COL27A1: variants seen among roughly 807,000 people sequenced by gnomAD.
COL27A1 encodes collagen alpha-1(XXVII) chain.
A neutral mutation model predicts 251.3 loss-of-function variants in COL27A1; 106 were observed. The ratio of observed to expected loss-of-function variants is 0.42; its 90% confidence interval spans 0.36 to 0.50. COL27A1 has a LOEUF of 0.50. COL27A1 is among the 20% of genes least tolerant of loss of function. COL27A1 has a pLI of 0.00. For synonymous variants in COL27A1, 1,000 were observed against 986.3 expected (o/e 1.01, Z -0.26); for missense variants, 2,325 against 2,522.8 (o/e 0.92, Z 1.68).
chr9:114,171,827 C>G (rs1849342903), intron 3 of COL27A1, among the ~76,000 whole-genome samples: 1 of 152,188 alleles, frequency 6.6e-6, no homozygotes, highest in Admixed American at 6.5e-5. Context: ...GGCGCGGTGT[C>G]TCCTTTAGGA....
rs1376258924 is a variant in COL27A1, at chr9:114,266,629, G to C, written c.3447+11G>C. 6.2e-7 allele frequency: 1 copy of C among 1,612,838 alleles called. No individual in the cohort carries two copies. Among genetic ancestry groups the C allele is most frequent in the East Asian group, 2.2e-5 (1 of 44,858 alleles). The stretch of plus-strand genomic sequence containing the variant: ...GAGATGGGACCCAAGGTGAGTGTGA[G>C]AGACCCTTATTCGTCCCATGATGCT... On this transcript the variant is annotated intron_variant, in intron 33 of 60. Coordinates refer to ENST00000356083, the MANE Select transcript of COL27A1 (RefSeq NM_032888.4).
At chr9:114,196,530 G>A (rs1829146871) in intron 7 of COL27A1, among the ~76,000 whole-genome samples, 1 of 152,204 alleles carries the variant, frequency 6.6e-6, no homozygotes, top group Non-Finnish European at 1.5e-5. Flanking sequence ...GGGGTCAGTT[G>A]GACCTGGGTC....
At chr9:114,282,879 ACCAGATT>A (rs778370652) in intron 39 of COL27A1, among the ~76,000 whole-genome samples, 1 of 152,228 alleles carries the variant, frequency 6.6e-6, no homozygotes, top group Non-Finnish European at 1.5e-5. Flanking sequence ...GGGAGAAAGG[ACCAGATT>A]CTTAGAACTG....
chr9:114,294,082 C>CA (rs57583693), intron 49 of COL27A1, among the ~76,000 whole-genome samples: 1,669 of 136,766 alleles, frequency 0.012, 39 homozygotes, highest in African/African-American at 0.038. Context: ...ACTAACAATA[C>CA]AAAAAAAAAA....
At position 114,300,088 on chromosome 9, in the gene COL27A1, G is replaced by C; in HGVS notation, c.4603G>C (p.Gly1535Arg). The stretch of plus-strand genomic sequence containing the variant: ...CCTGCAGGGCGACTCTGGCGAGATG[G>C]GCTTCCCAGGAATGGCAGGTCTCTT... Reference protein sequence around the residue: ...KGQPGDSGEMGFPGMAGLFGP... With the variant: ...KGQPGDSGEMRFPGMAGLFGP... The change falls in exon 50 of 61, where the codon GGC becomes CGC. Residue 1535 changes from glycine (G) to arginine (R), a missense_variant. Physicochemically the swap from Gly to Arg is moderately radical, Grantham distance 125 (BLOSUM62 -2). This residue lies in a region of COL27A1 where 327 missense variants were observed against 442.8 expected (regional missense o/e 0.74). Coordinates refer to ENST00000356083, the MANE Select transcript of COL27A1 (RefSeq NM_032888.4). 1 of 1,614,140 alleles carries C rather than the reference G, an allele frequency of 6.2e-7. No homozygotes were observed. Among genetic ancestry groups the C allele is most frequent in the Non-Finnish European group, 8.5e-7 (1 of 1,179,992 alleles).
chr9:114,240,180 A>C (rs1832659297), intron 19 of COL27A1, 40 bp from the exon 20 acceptor site: 2 of 1,581,552 alleles, frequency 1.3e-6, no homozygotes, highest in African/African-American at 2.7e-5. Context: ...CACTCCCTTC[A>C]CAGCCCCCGT....
At chr9:114,199,156 CT>C (rs1477762482) in intron 7 of COL27A1, among the ~76,000 whole-genome samples, 2 of 152,150 alleles carry the variant, frequency 1.3e-5, no homozygotes. Flanking sequence ...CTCCTGCTTT[CT>C]TTCCTGTAGA....
intron 2 of COL27A1, among the ~76,000 whole-genome samples, chr9:114,165,448 A>G (rs1047480699): frequency 1.3e-5 from 2 of 150,562 alleles, no homozygotes; most frequent in Admixed American, 6.6e-5. Flanking sequence ...CCATTTATCT[A>G]TCCATTCACC....
At chr9:114,173,714 G>A (rs1337644694) in intron 3 of COL27A1, among the ~76,000 whole-genome samples, 1 of 152,010 alleles carries the variant, frequency 6.6e-6, no homozygotes, top group African/African-American at 2.4e-5. Context: ...GTCGGGGGGA[G>A]GGGAGTAAAG....
At chr9:114,240,923 C>A (rs972320156) in intron 21 of COL27A1, among the ~76,000 whole-genome samples, 4 of 152,242 alleles carry the variant, frequency 2.6e-5, no homozygotes, top group Non-Finnish European at 4.4e-5. Flanking sequence ...GCAATGGGAA[C>A]CCAGGTCTGC....
At chr9:114,193,927 A>G (rs1242783329) in intron 5 of COL27A1, among the ~76,000 whole-genome samples, 1 of 152,132 alleles carries the variant, frequency 6.6e-6, no homozygotes, top group Non-Finnish European at 1.5e-5. Context: ...TAGGATGTGA[A>G]GGACACATTC....
At chr9:114,178,165 ACTC>A (rs1397633991) in intron 3 of COL27A1, 123 bp from the exon 4 acceptor site, 8 of 742,650 alleles carry the variant, frequency 1.1e-5, no homozygotes, top group African/African-American at 3.5e-5. Context: ...ACCTCAGGGG[ACTC>A]CTCCTCTTAG....
chr9:114,178,672 G>C (rs1827662661), intron 4 of COL27A1, among the ~76,000 whole-genome samples: 1 of 152,114 alleles, frequency 6.6e-6, no homozygotes, highest in Non-Finnish European at 1.5e-5. Flanking sequence ...AAACTGCCTT[G>C]GGGAATATAT....
At chr9:114,252,444 G>A (rs766681433) in intron 25 of COL27A1, 149 bp from the exon 26 acceptor site, 1 of 666,968 alleles carries the variant, frequency 1.5e-6, no homozygotes, top group Non-Finnish European at 2.7e-6. Context: ...CCTGGGTGAT[G>A]TGGCCATGAA....
chr9:114,175,432 G>C (rs553800788), intron 3 of COL27A1, among the ~76,000 whole-genome samples: 5 of 152,258 alleles, frequency 3.3e-5, no homozygotes, highest in South Asian at 4.1e-4. Flanking sequence ...GGGGCCAGGG[G>C]GCACCCGTGC....
chr9:114,290,174 T>G lies in COL27A1; in HGVS notation c.4261-50T>G, dbSNP rs758288758. ...TGCCCGCCCCCCACACCCGCCCTCC[T>G]CCCACTCCCTGCACCAAATGCCCTC... is the stretch of plus-strand genomic sequence containing the variant. On this transcript the variant is annotated intron_variant, in intron 46 of 60. Coordinates refer to ENST00000356083, the MANE Select transcript of COL27A1 (RefSeq NM_032888.4). The surrounding 1 kb of genome is among the most constrained non-coding windows in gnomAD (Gnocchi z 4.6). The G allele has an allele frequency of 2.9e-6, 3 of 1,029,702 alleles. No individual in the cohort carries two copies. The Admixed American group carries it at 6.0e-5, about 21-fold the overall frequency. 63.8% of individuals were successfully genotyped at this position (1,029,702 alleles called of 1,614,324 possible).
At chr9:114,287,381 G>C (rs771719511) in intron 41 of COL27A1, among the ~76,000 whole-genome samples, 3 of 152,120 alleles carry the variant, frequency 2.0e-5, no homozygotes, top group Non-Finnish European at 4.4e-5. Flanking sequence ...CTGAGATTCT[G>C]CCATTTGCCG....
chr9:114,200,168 A>C lies in COL27A1; in HGVS notation c.2124+4156A>C, dbSNP rs184617106. Reference sequence around the variant, plus strand: ...TCTGCTGAACTCCCGGTTCTGCCTGAGTGTGGCACCCCCAATTCCATAGAG... The same window carrying C: ...TCTGCTGAACTCCCGGTTCTGCCTGCGTGTGGCACCCCCAATTCCATAGAG... On this transcript the variant is annotated intron_variant, in intron 7 of 60. Transcript: ENST00000356083. Among the ~76,000 whole-genome samples the C allele has an allele frequency of 2.5e-4, 38 of 152,272 alleles. No homozygotes were observed. The East Asian group carries it at 6.8e-3, about 27-fold the overall frequency.
chr9:114,274,518 T>G (rs560453619), intron 36 of COL27A1, among the ~76,000 whole-genome samples: 1 of 152,278 alleles, frequency 6.6e-6, no homozygotes, highest in East Asian at 1.9e-4. Flanking sequence ...TAATAGATGT[T>G]AAAGGACTCA....
Sources: allele counts gnomAD v4.1 joint callset (sites outside exome capture counted in the v4.1 genomes callset), GRCh38; gene constraint gnomAD v4.1.1; regional missense constraint gnomAD v4.1.1; non-coding constraint Gnocchi (gnomAD v3.1); transcripts MANE v1.5; gene names NCBI Gene and HGNC (gene_info 2026-07-23, HGNC 2026-07-21).